The following NRG1 variants were observed in gnomAD, a reference collection of about 807,000 sequenced individuals.
The protein encoded by NRG1 is pro-neuregulin-1, membrane-bound isoform.
A neutral mutation model predicts 63.8 loss-of-function variants in NRG1; 18 were observed. The observed-to-expected ratio is 0.28, with a 90% CI of 0.19 to 0.42. NRG1 has a LOEUF of 0.42. Among genes scored for constraint, NRG1 ranks in the 10% least tolerant of loss-of-function variants. The pLI is 1.00. For synonymous variants in NRG1, 302 were observed against 301.3 expected (o/e 1.00, Z -0.02); for missense variants, 762 against 814.7 (o/e 0.94, Z 0.79).
At chr8:32,486,624 T>TG (rs1825930008) in intron 1 of NRG1, among the ~76,000 whole-genome samples, 1 of 90,786 alleles carries the variant, frequency 1.1e-5, no homozygotes, top group African/African-American at 4.5e-5. Flanking sequence ...ACAGAATTGC[T>TG]GGATTTTTTT....
intron 1 of NRG1, among the ~76,000 whole-genome samples, chr8:32,010,859 A>G (rs1006260394): frequency 2.0e-5 from 3 of 152,120 alleles, no homozygotes; most frequent in African/African-American, 7.2e-5. Flanking sequence ...GCAGAACTTA[A>G]TGTACCAAAT....
At chr8:32,676,457 G>A (rs1807141533) in intron 5 of NRG1, among the ~76,000 whole-genome samples, 1 of 152,126 alleles carries the variant, frequency 6.6e-6, no homozygotes, top group Non-Finnish European at 1.5e-5. Context: ...TATGACAGAA[G>A]TTTGTTAACC....
At chr8:31,885,300 T>G (rs541920324) in intron 1 of NRG1, among the ~76,000 whole-genome samples, 1 of 152,176 alleles carries the variant, frequency 6.6e-6, no homozygotes, top group South Asian at 2.1e-4. Flanking sequence ...GAATAGTTAC[T>G]GGAGGACAGG....
At chr8:31,649,448 ATTG>A (rs942787750) in intron 1 of NRG1, among the ~76,000 whole-genome samples, 10 of 152,066 alleles carry the variant, frequency 6.6e-5, no homozygotes, top group South Asian at 2.1e-4. Context: ...CAGTTTTTAT[ATTG>A]TTGTTGTTTT....
chr8:31,862,244 T>A lies in NRG1; in HGVS notation c.37+222813T>A, dbSNP rs540217549. On this transcript the variant is annotated intron_variant, in intron 1 of 10. Coordinates refer to the NRG1 transcript ENST00000519301. ...AACCTTAAGTTATCACTTGTGTGTATCAGGAGAAAAGTTGGGAGAGTGGGA... is the reference window on the plus strand; with the variant it reads ...AACCTTAAGTTATCACTTGTGTGTAACAGGAGAAAAGTTGGGAGAGTGGGA... Among the ~76,000 whole-genome samples the A allele has an allele frequency of 6.7e-4, 102 of 152,206 alleles. 1 individual carries two copies. The highest frequency in any genetic ancestry group is 7.2e-4 in the Non-Finnish European group (49 of 68,026).
intron 1 of NRG1, among the ~76,000 whole-genome samples, chr8:32,527,628 T>C (rs938955081): frequency 1.3e-5 from 2 of 152,146 alleles, no homozygotes; most frequent in Non-Finnish European, 2.9e-5. Context: ...ACTGCACTTG[T>C]ACCTTCTAAA....
At chr8:32,614,483 A>G (rs1305197181) in intron 3 of NRG1, 31 bp from the exon 4 acceptor site, 2 of 1,609,394 alleles carry the variant, frequency 1.2e-6, no homozygotes. Context: ...CTGTTTATAT[A>G]TCATAATGTC....
At chr8:32,670,229 G>A (rs1180142671) in intron 5 of NRG1, among the ~76,000 whole-genome samples, 5 of 152,178 alleles carry the variant, frequency 3.3e-5, no homozygotes, top group African/African-American at 1.2e-4. Flanking sequence ...CTTTGATTAA[G>A]TGCAGATGTA....
intron 1 of NRG1, among the ~76,000 whole-genome samples, chr8:32,144,058 T>C (rs1412394576): frequency 6.6e-6 from 1 of 152,208 alleles, no homozygotes; most frequent in Admixed American, 6.5e-5. Context: ...ATGAGTCCAG[T>C]TGGAGCCTGC....
chr8:32,433,957 G>A (rs1465148472), intron 1 of NRG1, among the ~76,000 whole-genome samples: 1 of 152,068 alleles, frequency 6.6e-6, no homozygotes, highest in Non-Finnish European at 1.5e-5. Flanking sequence ...GGAGGCCTTG[G>A]TGGGCGGATC....
At chr8:31,696,987 C>A (rs1810132291) in intron 1 of NRG1, among the ~76,000 whole-genome samples, 1 of 152,128 alleles carries the variant, frequency 6.6e-6, no homozygotes. Flanking sequence ...CATTTTAATT[C>A]CTATCACTAG....
At chr8:31,656,258 G>A (rs1805424869) in intron 1 of NRG1, among the ~76,000 whole-genome samples, 1 of 152,226 alleles carries the variant, frequency 6.6e-6, no homozygotes, top group East Asian at 1.9e-4. Context: ...AAGGATTCAG[G>A]AGGGAAGAGT....
At chr8:32,411,054 G>A (rs903466644) in intron 1 of NRG1, among the ~76,000 whole-genome samples, 2 of 151,902 alleles carry the variant, frequency 1.3e-5, no homozygotes, top group African/African-American at 4.8e-5. Flanking sequence ...TTTTGTGTTT[G>A]TAGTAGAGAC....
At chr8:32,440,101 G>A (rs1335105367) in intron 1 of NRG1, among the ~76,000 whole-genome samples, 2 of 152,100 alleles carry the variant, frequency 1.3e-5, no homozygotes, top group Non-Finnish European at 2.9e-5. Flanking sequence ...CCTCTTACAA[G>A]GTGGCAGGAG....
At chr8:32,585,189 A>C (rs1161888650) in intron 1 of NRG1, among the ~76,000 whole-genome samples, 1 of 147,924 alleles carries the variant, frequency 6.8e-6, no homozygotes, top group Non-Finnish European at 1.5e-5. Context: ...TATGGCTGGT[A>C]TGTATAATGC....
chr8:32,233,812 C>A (rs534328305), intron 1 of NRG1, among the ~76,000 whole-genome samples: 3 of 151,804 alleles, frequency 2.0e-5, no homozygotes, highest in Non-Finnish European at 2.9e-5. Context: ...ATCCACCCCC[C>A]CATCAGCCTC....
At chr8:32,534,159 G>A (rs540825976) in intron 1 of NRG1, among the ~76,000 whole-genome samples, 1 of 152,170 alleles carries the variant, frequency 6.6e-6, no homozygotes, top group South Asian at 2.1e-4. Context: ...ATGGTAATGA[G>A]GAAATGCTGT....
chr8:32,346,402 C>T lies in NRG1; in HGVS notation c.38-249426C>T, dbSNP rs368533855. 4.0e-5 allele frequency among the ~76,000 whole-genome samples: 6 copies of T among 151,516 alleles called. No homozygotes were observed. The East Asian group carries it at 9.7e-4, about 25-fold the overall frequency. On this transcript the variant is annotated intron_variant, in intron 1 of 10. Transcript: ENST00000519301. ...GTTGACCAAAACAAATCACTGTTAA[C>T]ATTTGTTATTTAGGGGTCCAGAAAT...
intron 2 of NRG1, among the ~76,000 whole-genome samples, chr8:32,605,360 G>A (rs1044397601): frequency 6.6e-6 from 1 of 152,080 alleles, no homozygotes; most frequent in Non-Finnish European, 1.5e-5. Context: ...TGAAATCCAT[G>A]GTACAACTTA....
Sources: gnomAD v4.1 joint callset for allele counts (sites outside exome capture counted in the v4.1 genomes callset) on GRCh38, gnomAD v4.1.1 for gene constraint, MANE v1.5 for transcripts, NCBI Gene and HGNC (gene_info 2026-07-23, HGNC 2026-07-21) for gene names.